Variants in PTPRG observed in about 807,000 individuals in gnomAD.
PTPRG encodes the protein protein tyrosine phosphatase receptor type G, also known as receptor-type tyrosine-protein phosphatase gamma.
A neutral mutation model predicts 165.3 loss-of-function variants in PTPRG; 102 were observed. The ratio of observed to expected loss-of-function variants is 0.62; its 90% CI spans 0.53 to 0.73. PTPRG has a LOEUF of 0.73. Ranked by LOEUF, PTPRG falls within the 30% of genes least tolerant of loss-of-function variation. PTPRG has a pLI of 0.00. For missense variants in PTPRG, 1,866 were observed against 1,861.4 expected (o/e 1.00, Z -0.05); for synonymous variants, 675 against 669.5 (o/e 1.01, Z -0.13).
At chr3:61,903,363 A>G (rs558393912) in intron 2 of PTPRG, among the ~76,000 whole-genome samples, 2 of 152,140 alleles carry the variant, frequency 1.3e-5, no homozygotes, top group African/African-American at 4.8e-5. Context: ...TCACGTGGCT[A>G]TTGGCTTCTT....
chr3:61,756,988 T>C (rs953524476), intron 2 of PTPRG, among the ~76,000 whole-genome samples: 9 of 152,198 alleles, frequency 5.9e-5, no homozygotes, highest in Non-Finnish European at 1.0e-4. Context: ...TCAGAATTTC[T>C]CTTTCTGAAA....
intron 1 of PTPRG, among the ~76,000 whole-genome samples, chr3:61,703,932 G>T: frequency 6.6e-6 from 1 of 152,160 alleles, no homozygotes; most frequent in East Asian, 1.9e-4. Flanking sequence ...TGCAACAAAA[G>T]TGAGCTGGAT....
chr3:61,562,251 C>G lies in PTPRG; in HGVS notation c.-37C>G, dbSNP rs376402081. 489 of 1,588,728 alleles carry G rather than the reference C, an allele frequency of 3.1e-4. No homozygotes were observed. The highest frequency in any genetic ancestry group is 3.9e-4 in the Non-Finnish European group (451 of 1,157,162). ...GCAAGAACTTATTCAACAAGTTTAC[C>G]TCCCTGCTTTCCTCTTTTCGATGTG... On this transcript the variant is annotated 5_prime_UTR_variant, in exon 1 of 30. Coordinates refer to ENST00000474889, the MANE Select transcript of PTPRG (RefSeq NM_002841.4).
rs1480805623 is a variant in PTPRG, at chr3:62,164,429, AT to A, written c.841-3538del. 2.6e-5 allele frequency among the ~76,000 whole-genome samples: 4 copies of A among 152,272 alleles called. No homozygotes were observed. In the East Asian group the frequency reaches 7.7e-4, roughly 29 times the overall value. The stretch of plus-strand genomic sequence containing the variant: ...TTGCCAAAGAGACAGGCCACTGGCG[AT>A]TTTCATTTAAGTTAGAAAAATGACA... On this transcript the variant is annotated intron_variant, in intron 7 of 29. Transcript: ENST00000474889.
intron 2 of PTPRG, among the ~76,000 whole-genome samples, chr3:61,988,219 A>G (rs755475862): frequency 6.6e-6 from 1 of 152,124 alleles, no homozygotes; most frequent in Non-Finnish European, 1.5e-5. Flanking sequence ...AGGCTGCGGT[A>G]TTTTCCAGAT....
chr3:61,704,519 G>A (rs537223164), intron 1 of PTPRG, among the ~76,000 whole-genome samples: 1 of 152,152 alleles, frequency 6.6e-6, no homozygotes, highest in Admixed American at 6.5e-5. Context: ...GCTCCAGTGT[G>A]GTAATAAAAA....
chr3:62,044,398 G>A lies in PTPRG; in HGVS notation c.520-33765G>A, dbSNP rs141495143. Among the ~76,000 whole-genome samples the A allele has an allele frequency of 7.0e-4, 106 of 152,234 alleles. 1 individual carries two copies. In the East Asian group the frequency reaches 0.018, roughly 26 times the overall value. ...TACTAAAAATACAAAAATTAGCCGG[G>A]CATGGTGGCACATGCCTGTAGTCCC... On this transcript the variant is annotated intron_variant, in intron 4 of 29. Transcript: ENST00000474889.
intron 20 of PTPRG, among the ~76,000 whole-genome samples, chr3:62,270,341 A>G (rs1006378028): frequency 1.3e-5 from 2 of 152,148 alleles, no homozygotes; most frequent in East Asian, 1.9e-4. Flanking sequence ...TATCCTTTCT[A>G]TGTATGTTTA....
At chr3:61,603,743 G>A (rs915145945) in intron 1 of PTPRG, among the ~76,000 whole-genome samples, 1 of 152,142 alleles carries the variant, frequency 6.6e-6, no homozygotes, top group Non-Finnish European at 1.5e-5. Context: ...GTCCTTGCTG[G>A]CAATCCTTGG....
intron 6 of PTPRG, among the ~76,000 whole-genome samples, chr3:62,155,018 C>T (rs1351818476): frequency 6.6e-6 from 1 of 152,188 alleles, no homozygotes; most frequent in East Asian, 1.9e-4. Context: ...AGCATGCTTG[C>T]AGAGATTTCC....
At chr3:61,751,643 T>C (rs1403105361) in intron 2 of PTPRG, among the ~76,000 whole-genome samples, 1 of 152,192 alleles carries the variant, frequency 6.6e-6, no homozygotes, top group African/African-American at 2.4e-5. Context: ...TTAATATTAA[T>C]AGCACTTCCC....
chr3:62,111,256 C>T (rs200501184), intron 5 of PTPRG, among the ~76,000 whole-genome samples: 10 of 152,126 alleles, frequency 6.6e-5, no homozygotes, highest in African/African-American at 1.2e-4. Context: ...TGTTGGTGAA[C>T]GTGGTATTCT....
At chr3:62,096,733 A>C (rs894527280) in intron 5 of PTPRG, among the ~76,000 whole-genome samples, 1 of 152,234 alleles carries the variant, frequency 6.6e-6, no homozygotes, top group Admixed American at 6.5e-5. Context: ...CAGCATTTAT[A>C]TAGTATCATA....
At chr3:62,138,185 T>G (rs1357599924) in intron 6 of PTPRG, among the ~76,000 whole-genome samples, 1 of 152,218 alleles carries the variant, frequency 6.6e-6, no homozygotes, top group Non-Finnish European at 1.5e-5. Context: ...TTGCTTGAAT[T>G]TGCTTTTTGT....
At chr3:62,269,191 C>G in intron 20 of PTPRG, 22 bp downstream of exon 20, 1 of 1,551,124 alleles carries the variant, frequency 6.4e-7, no homozygotes. Context: ...ATTGGGTAGG[C>G]TGCCAGGGCA....
chr3:61,947,039 G>GTAA (rs1333337522), intron 2 of PTPRG, among the ~76,000 whole-genome samples: 3 of 152,196 alleles, frequency 2.0e-5, no homozygotes, highest in Non-Finnish European at 2.9e-5. Context: ...CAGCAGCGAT[G>GTAA]TAATCCTTTA....
intron 1 of PTPRG, among the ~76,000 whole-genome samples, chr3:61,664,847 TAAAAATAAA>T (rs1161535767): frequency 6.6e-6 from 1 of 150,758 alleles, no homozygotes; most frequent in Non-Finnish European, 1.5e-5. Context: ...AATAAATAAA[TAAAAATAAA>T]AAAAATAAAA....
chr3:61,590,027 G>A (rs1700527818), intron 1 of PTPRG, among the ~76,000 whole-genome samples: 1 of 152,100 alleles, frequency 6.6e-6, no homozygotes, highest in South Asian at 2.1e-4. Flanking sequence ...GATGCTTTCC[G>A]AGACACGTGG....
chr3:61,728,786 C>T (rs1305352203), intron 1 of PTPRG, among the ~76,000 whole-genome samples: 1 of 148,592 alleles, frequency 6.7e-6, no homozygotes, highest in Non-Finnish European at 1.5e-5. Context: ...CCTTTAATTC[C>T]AACACTTTGG....
Sources: allele counts gnomAD v4.1 joint callset (sites outside exome capture counted in the v4.1 genomes callset), GRCh38; gene constraint gnomAD v4.1.1; transcripts MANE v1.5; gene names NCBI Gene and HGNC (gene_info 2026-07-23, HGNC 2026-07-21).